Variants in TMEM126B observed in about 807,000 individuals in gnomAD.
TMEM126B encodes complex I assembly factor TMEM126B, mitochondrial.
Under a neutral mutation model 16.5 loss-of-function variants are expected in TMEM126B, and 19 were observed. That is an observed-to-expected ratio of 1.15 (90% CI 0.80 to 1.69). The LOEUF is 1.69. Ranked by LOEUF, TMEM126B falls within the 40% of genes most tolerant of loss-of-function variation. The probability of loss-of-function intolerance (pLI) is 0.00; values close to 1 mark genes in which losing one functional copy is unlikely to be tolerated. For synonymous variants in TMEM126B, 104 were observed against 93.2 expected (o/e 1.12, Z -0.67); for missense variants, 293 against 278.7 (o/e 1.05, Z -0.37).
intron 2 of TMEM126B, among the ~76,000 whole-genome samples, chr11:85,632,952 C>T (rs1417475636): frequency 6.6e-6 from 1 of 152,240 alleles, no homozygotes; most frequent in East Asian, 1.9e-4. Flanking sequence ...TCCCTCCCCT[C>T]TCCTCCCACC....
intron 1 of TMEM126B, 66 bp from the exon 2 acceptor site, chr11:85,631,621 A>G: frequency 6.5e-7 from 1 of 1,532,992 alleles, no homozygotes; most frequent in South Asian, 1.2e-5. Context: ...AATCTGTAGA[A>G]TTCTGTAAGG....
At position 85,631,694 on chromosome 11, in the gene TMEM126B, A is replaced by T. The variant is rs2153305572; in HGVS notation, c.89A>T (p.Lys30Met). 31 of 1,608,450 alleles carry T rather than the reference A, an allele frequency of 1.9e-5. No homozygotes were observed. Among genetic ancestry groups the T allele is most frequent in the Non-Finnish European group, 2.6e-5 (31 of 1,178,684 alleles). ...VGTEEAPKVF[K>M]MAASMHGQPS... ...TGGAATTTTTTTTTCCAGGTTTTCA[A>T]GATGGCAGCATCTATGCATGGTCAG... Residue 30 changes from lysine (K) to methionine (M), a missense_variant, in exon 2 of 5, where the codon AAG becomes ATG. Transcript: ENST00000358867.
chr11:85,635,591 C>A, intron 3 of TMEM126B, 76 bp from the exon 4 acceptor site: 1 of 955,392 alleles, frequency 1.0e-6, no homozygotes, highest in Non-Finnish European at 1.6e-6. Flanking sequence ...GTGCAGATAA[C>A]TACTCTGTGA....
At chr11:85,631,086 T>G (rs2082287360) in intron 1 of TMEM126B, 4 of 1,236,018 alleles carry the variant, frequency 3.2e-6, no homozygotes, top group Non-Finnish European at 4.2e-6. Flanking sequence ...TGTCCCTCTT[T>G]CTGATTTTTC....
intron 1 of TMEM126B, chr11:85,629,161 T>C (rs534270786): frequency 1.7e-6 from 2 of 1,198,366 alleles, no homozygotes; most frequent in South Asian, 1.3e-5. Context: ...CACTGCGTTG[T>C]GGATTCCTGA....
In TMEM126B at chr11:85,634,209, A is replaced by G; in HGVS notation, c.327A>G (p.Ser109=). Reference sequence around the variant, plus strand: ...ATGATGCTTTGAAGACATATGCATCATTGGCTACACTTCCATTTTTGTCTA... The same window carrying G: ...ATGATGCTTTGAAGACATATGCATCGTTGGCTACACTTCCATTTTTGTCTA... ...VKHDALKTYA[S]LATLPFLSTV... is the part of the protein sequence containing the mutation. The change falls in exon 3 of 5, where the codon TCA becomes TCG. Residue 109 remains serine, a synonymous_variant. Transcript: ENST00000358867. The G allele has an allele frequency of 6.2e-7, 1 of 1,613,850 alleles. No individual in the cohort carries two copies. The highest frequency in any genetic ancestry group is 2.2e-5 in the East Asian group (1 of 44,814).
At chr11:85,634,351 T>C in intron 3 of TMEM126B, 72 bp downstream of exon 3, 1 of 1,053,712 alleles carries the variant, frequency 9.5e-7, no homozygotes, top group Non-Finnish European at 1.4e-6. Context: ...ATACTGTTGC[T>C]ACTGCTAATA....
Position 85,635,695 on chromosome 11 carries a change from C to T in TMEM126B, c.426C>T (p.Phe142=). 6.2e-7 allele frequency: 1 copy of T among 1,604,788 alleles called. No individual in the cohort carries two copies. Among genetic ancestry groups the T allele is most frequent in the Non-Finnish European group, 8.5e-7 (1 of 1,177,894 alleles). The change falls in exon 4 of 5, where the codon TTC becomes TTT. Residue 142 remains phenylalanine, a synonymous_variant. Coordinates refer to ENST00000358867, the MANE Select transcript of TMEM126B (RefSeq NM_018480.7). ...SDNISKENCV[F]RSSLIGIVCG... The stretch of plus-strand genomic sequence containing the variant: ...ATATAAGCAAGGAAAACTGTGTTTT[C>T]AGAAGCTCACTGATTGGCATAGTTT...
chr11:85,633,282 T>C (rs987746195), intron 2 of TMEM126B, among the ~76,000 whole-genome samples: 2 of 152,210 alleles, frequency 1.3e-5, no homozygotes, highest in African/African-American at 2.4e-5. Flanking sequence ...TGTGTCTTTA[T>C]AGCAGCATGA....
chr11:85,631,744 A>C lies in TMEM126B; in HGVS notation c.139A>C (p.Lys47Gln). Residue 47 changes from lysine to glutamine, a missense_variant, in exon 2 of 5, where the codon AAA becomes CAA. Transcript: ENST00000358867. ...GCCCAGTCCTTCTCTAGAAGATGCA[A>C]AACTCAGAAGACCAATGGTCATAGA... is the stretch of plus-strand genomic sequence containing the variant. ...GQPSPSLEDAKLRRPMVIEII... is the reference protein window; with the variant it reads ...GQPSPSLEDAQLRRPMVIEII... 1 of 1,613,612 alleles carries C rather than the reference A, an allele frequency of 6.2e-7. No homozygotes were observed.
At position 85,635,681 on chromosome 11, in the gene TMEM126B, G is replaced by T; in HGVS notation, c.412G>T (p.Glu138Ter). 6.2e-7 allele frequency: 1 copy of T among 1,604,286 alleles called. No individual in the cohort carries two copies. The highest frequency in any genetic ancestry group is 8.5e-7 in the Non-Finnish European group (1 of 1,177,722). Residue 138 changes from glutamate to a stop codon, truncating the protein, a stop_gained, in exon 4 of 5, where the codon GAA becomes TAA. Transcript: ENST00000358867. LOFTEE classifies it high-confidence loss of function. ...DALYSDNISKENCVFRSSLIG... is the reference protein window; with the variant it reads ...DALYSDNISK Reference sequence around the variant, plus strand: ...TTGTTTTCCAGATAATATAAGCAAGGAAAACTGTGTTTTCAGAAGCTCACT... The same window carrying T: ...TTGTTTTCCAGATAATATAAGCAAGTAAAACTGTGTTTTCAGAAGCTCACT...
chr11:85,635,821 C>CTTTTTTTTTTTTTTT (rs58671332), intron 4 of TMEM126B, 43 bp downstream of exon 4: 99 of 869,470 alleles, frequency 1.1e-4, no homozygotes, highest in Middle Eastern at 3.8e-4. Context: ...CTTTTCTTTT[C>CTTTTTTTTTTTTTTT]TTTTTTTTTT....
rs1175054236 is a variant in TMEM126B, at chr11:85,633,821, A to T, written c.204-265A>T. The stretch of plus-strand genomic sequence containing the variant: ...ATTTGTGGCCAAAATTATTTAAAAG[A>T]GCTCTATTTTAGAATTACTGTAAAT... On this transcript the variant is annotated intron_variant, in intron 2 of 4. Coordinates refer to ENST00000358867, the MANE Select transcript of TMEM126B (RefSeq NM_018480.7). Among the ~76,000 whole-genome samples the T allele has an allele frequency of 2.0e-5, 3 of 152,298 alleles. No individual in the cohort carries two copies. The East Asian group carries it at 5.8e-4, about 29-fold the overall frequency.
chr11:85,635,821 C>CA, intron 4 of TMEM126B, 43 bp downstream of exon 4: 2 of 867,440 alleles, frequency 2.3e-6, no homozygotes, highest in Non-Finnish European at 3.2e-6. Context: ...CTTTTCTTTT[C>CA]TTTTTTTTTT....
intron 4 of TMEM126B, 77 bp downstream of exon 4, chr11:85,635,855 CTTTCTT>C (rs1299820627): frequency 2.2e-6 from 2 of 921,508 alleles, no homozygotes; most frequent in Non-Finnish European, 3.0e-6. Flanking sequence ...AATAAACTCT[CTTTCTT>C]CTTTAGCTGT....
chr11:85,633,935 G>T, intron 2 of TMEM126B, 151 bp from the exon 3 acceptor site: 1 of 590,636 alleles, frequency 1.7e-6, no homozygotes, highest in South Asian at 2.2e-5. Context: ...TTTGTTTACT[G>T]TCCTATCTTA....
At chr11:85,629,335 AGAT>A in intron 1 of TMEM126B, 1 of 972,186 alleles carries the variant, frequency 1.0e-6, no homozygotes, top group South Asian at 1.4e-5. Flanking sequence ...CAAAACCGTT[AGAT>A]GATTTGCAAA....
chr11:85,636,036 T>C lies in TMEM126B; in HGVS notation c.510-10T>C. 1.3e-6 allele frequency: 2 copies of C among 1,564,706 alleles called. No individual in the cohort carries two copies. Among genetic ancestry groups the C allele is most frequent in the Non-Finnish European group, 1.7e-6 (2 of 1,162,150 alleles). On this transcript the variant is annotated splice_polypyrimidine_tract_variant and intron_variant, in intron 4 of 4. Coordinates refer to ENST00000358867, the MANE Select transcript of TMEM126B (RefSeq NM_018480.7). ...TCCAGGAGAGGTGATTAACTCTTTT[T>C]TCTTTTTAGGTATCATACCGTTCCA... is the stretch of plus-strand genomic sequence containing the variant.
intron 1 of TMEM126B, chr11:85,629,103 A>G (rs1428445362): frequency 1.5e-6 from 1 of 676,036 alleles, no homozygotes; most frequent in Non-Finnish European, 2.3e-6. Context: ...CGTTTATGTC[A>G]CTCTCTCATT....
Sources: gnomAD v4.1 joint callset for allele counts (sites outside exome capture counted in the v4.1 genomes callset) on GRCh38, gnomAD v4.1.1 for gene constraint, MANE v1.5 for transcripts, NCBI Gene and HGNC (gene_info 2026-07-23, HGNC 2026-07-21) for gene names.